Variants in MRPS18C observed in about 807,000 individuals in gnomAD.
MRPS18C encodes small ribosomal subunit protein bS18m.
MRPS18C carries 21 observed loss-of-function variants against 21.0 expected under a neutral mutation model. That is an observed-to-expected ratio of 1.00 (90% CI 0.71 to 1.44). The LOEUF (loss-of-function observed/expected upper bound fraction) is 1.44, where lower values mean the gene tolerates loss of function less well. Among genes scored for constraint, MRPS18C ranks in the 40% most tolerant of loss-of-function variants. MRPS18C has a pLI of 0.00. For missense variants in MRPS18C, 152 were observed against 171.5 expected, an observed-to-expected ratio of 0.89 and a Z score of 0.64; for synonymous variants, 65 against 54.3, an observed-to-expected ratio of 1.20 and a Z score of -0.87.
At position 83,458,434 on chromosome 4, in the gene MRPS18C, G is replaced by T; in HGVS notation, c.234+5G>T. The T allele has an allele frequency of 6.4e-7, 1 of 1,568,882 alleles. No individual in the cohort carries two copies. Among genetic ancestry groups the T allele is most frequent in the South Asian group, 1.1e-5 (1 of 87,340 alleles). ...GTAGATTATAAGAATGTACAGGTGA[G>T]ATCTGGTTTTACTTCACTATATTTT... is the stretch of plus-strand genomic sequence containing the variant. On this transcript the variant is annotated splice_donor_5th_base_variant and intron_variant, in intron 3 of 5. Coordinates refer to ENST00000295491, the MANE Select transcript of MRPS18C (RefSeq NM_016067.4).
chr4:83,456,967 T>A lies in MRPS18C; in HGVS notation c.150+9T>A. ...CCAGCAATGAGGACCTGGTAAGAAT[T>A]TTTTTTTCTATTAGTAAGGCCTTTG... On this transcript the variant is annotated intron_variant, in intron 2 of 5. Transcript: ENST00000295491. 1 of 1,611,076 alleles carries A rather than the reference T, an allele frequency of 6.2e-7. No homozygotes were observed. The highest frequency in any genetic ancestry group is 8.5e-7 in the Non-Finnish European group (1 of 1,179,482).
chr4:83,459,650 T>C, intron 3 of MRPS18C, 90 bp from the exon 4 acceptor site: 1 of 1,132,774 alleles, frequency 8.8e-7, no homozygotes, highest in Non-Finnish European at 1.3e-6. Flanking sequence ...TAAAGCTTTA[T>C]ATAACCTGAA....
rs141532727 is a variant in MRPS18C at position 83,456,101 on chromosome 4, C to A, written c.24C>A (p.Cys8Ter). Residue 8 changes from cysteine (C) to a stop codon, truncating the protein, a stop_gained, in exon 1 of 6, where the codon TGC (cysteine) becomes TGA (stop). Transcript: ENST00000295491. LOFTEE classifies it high-confidence loss of function. The part of the protein sequence containing the change: MAAVVAV[C>*]GGLGRKKLTH... Reference sequence around the variant, plus strand: ...CCATGGCCGCTGTGGTTGCTGTTTGCGGTGGTCTAGGGAGGAAGAAGTTGA... The same window carrying A: ...CCATGGCCGCTGTGGTTGCTGTTTGAGGTGGTCTAGGGAGGAAGAAGTTGA... 23 of 1,612,604 alleles carry A rather than the reference C, an allele frequency of 1.4e-5. No homozygotes were observed. Among genetic ancestry groups the A allele is most frequent in the Non-Finnish European group, 1.9e-5 (23 of 1,180,024 alleles).
At chr4:83,456,875 G>A in intron 1 of MRPS18C, 34 bp from the exon 2 acceptor site, 1 of 1,604,466 alleles carries the variant, frequency 6.2e-7, no homozygotes, top group South Asian at 1.1e-5. Context: ...CTAAGAAAAA[G>A]AAATGGTTAA....
In MRPS18C at chr4:83,461,481, G is replaced by C. The variant is rs1277288464; in HGVS notation, c.*284G>C. On this transcript the variant is annotated 3_prime_UTR_variant, in exon 6 of 6. Transcript: ENST00000295491. The stretch of plus-strand genomic sequence containing the variant: ...CATTCAATAGAATGGAATTAAAACT[G>C]TTCAGAATGATTTTCCAACTAGCAA... 1 of 347,840 alleles carries C rather than the reference G, an allele frequency of 2.9e-6. No individual in the cohort carries two copies. The highest frequency in any genetic ancestry group is 2.0e-5 in the African/African-American group (1 of 49,294). 21.5% of individuals were successfully genotyped at this position (347,840 alleles called of 1,614,324 possible).
intron 4 of MRPS18C, 130 bp from the exon 5 acceptor site, chr4:83,460,843 T>G (rs1578120341): frequency 1.4e-6 from 1 of 721,052 alleles, no homozygotes; most frequent in Non-Finnish European, 2.4e-6. Flanking sequence ...GTGGCGGAGG[T>G]TGCAGTGAGG....
chr4:83,458,596 T>A, intron 3 of MRPS18C, 167 bp downstream of exon 3: 3 of 500,228 alleles, frequency 6.0e-6, no homozygotes, highest in Non-Finnish European at 1.0e-5. Flanking sequence ...CTCTGCTTTA[T>A]TCAAGTAAAA....
chr4:83,458,386 AATGT>A lies in MRPS18C; in HGVS notation c.194_197del (p.Cys65SerfsTer7). The A allele has an allele frequency of 6.2e-7, 1 of 1,606,248 alleles. No homozygotes were observed. Among genetic ancestry groups the A allele is most frequent in the Non-Finnish European group, 8.5e-7 (1 of 1,174,246 alleles). Reference sequence around the variant, plus strand: ...AATCCTTATAAAGAACCTCTTAAGAAATGTATCTTGTGTGGAAAGCATGTAGATT... The same window carrying A: ...AATCCTTATAAAGAACCTCTTAAGAAATCTTGTGTGGAAAGCATGTAGATT... On this transcript the variant is annotated frameshift_variant, in exon 3 of 6. Coordinates refer to ENST00000295491, the MANE Select transcript of MRPS18C (RefSeq NM_016067.4). LOFTEE classifies it high-confidence loss of function.
chr4:83,456,938 G>T lies in MRPS18C; in HGVS notation c.130G>T (p.Val44Leu). ...VLWRRGCSQQ[V>L]SSNEDLPISM... ...TTGGAGAAGAGGTTGTTCACAACAG[G>T]TATCCAGCAATGAGGACCTGGTAAG... Residue 44 changes from valine (V) to leucine (L), a missense_variant, in exon 2 of 6, where the codon GTA becomes TTA. Val to Leu is a conservative substitution (Grantham distance 32). Transcript: ENST00000295491. 2 of 1,612,336 alleles carry T rather than the reference G, an allele frequency of 1.2e-6. No homozygotes were observed. Among genetic ancestry groups the T allele is most frequent in the Non-Finnish European group, 1.7e-6 (2 of 1,179,814 alleles).
In MRPS18C at chr4:83,458,424, G is replaced by A; in HGVS notation, c.229G>A (p.Val77Ile). 3 of 1,580,762 alleles carry A rather than the reference G, an allele frequency of 1.9e-6. No individual in the cohort carries two copies. Among genetic ancestry groups the A allele is most frequent in the Non-Finnish European group, 2.6e-6 (3 of 1,153,554 alleles). Residue 77 changes from valine to isoleucine, a missense_variant, in exon 3 of 6, where the codon GTA becomes ATA. Physicochemically the swap from Val to Ile is conservative, Grantham distance 29. Transcript: ENST00000295491. ...LCGKHVDYKN[V>I]QLLSQFVSPF... ...TGGAAAGCATGTAGATTATAAGAAT[G>A]TACAGGTGAGATCTGGTTTTACTTC...
At chr4:83,459,835 A>G in intron 4 of MRPS18C, 38 bp downstream of exon 4, 1 of 1,476,970 alleles carries the variant, frequency 6.8e-7, no homozygotes, top group Middle Eastern at 1.7e-4. Context: ...AAATGTAGAT[A>G]CGAATTATAT....
intron 2 of MRPS18C, chr4:83,457,321 TGGGTG>T (rs1721886782): frequency 5.3e-6 from 1 of 187,122 alleles, no homozygotes; most frequent in African/African-American, 2.4e-5. Context: ...AAAGGTAGTT[TGGGTG>T]AGCAGAATTT....
intron 4 of MRPS18C, 173 bp from the exon 5 acceptor site, chr4:83,460,800 G>A: frequency 1.7e-6 from 1 of 583,868 alleles, no homozygotes; most frequent in Non-Finnish European, 3.1e-6. Flanking sequence ...CAGTTACTAA[G>A]GAGGCTGAGG....
intron 2 of MRPS18C, 71 bp downstream of exon 2, chr4:83,457,029 A>G: frequency 7.6e-7 from 1 of 1,311,498 alleles, no homozygotes; most frequent in Non-Finnish European, 1.1e-6. Flanking sequence ...TTAAAACGAG[A>G]TCTGGTATTA....
chr4:83,459,629 C>A, intron 3 of MRPS18C, 111 bp from the exon 4 acceptor site: 2 of 900,732 alleles, frequency 2.2e-6, no homozygotes, highest in Non-Finnish European at 1.7e-6. Flanking sequence ...TGAAATGTGT[C>A]TGAAATTTAG....
At chr4:83,457,646 T>G (rs1357172606) in intron 2 of MRPS18C, 1 of 152,306 alleles carries the variant, frequency 6.6e-6, no homozygotes, top group African/African-American at 2.4e-5. Flanking sequence ...TAAATCCCAC[T>G]TTGTCTCTAA....
chr4:83,458,179 C>T lies in MRPS18C; in HGVS notation c.151-167C>T, dbSNP rs921495019. 6.9e-5 allele frequency: 36 copies of T among 522,964 alleles called. No homozygotes were observed. In the East Asian group the frequency reaches 9.3e-4, roughly 13 times the overall value. The allele number at this position is 522,964 out of a possible 1,614,324, so 32.4% of individuals were successfully genotyped here. A position where few individuals can be genotyped will look rare whatever the true frequency, so the allele number is the denominator to read the frequency against. On this transcript the variant is annotated intron_variant, in intron 2 of 5. Transcript: ENST00000295491. ...TACTTTATTCCAGAATCTTCCCATG[C>T]GTTAATCCGTAGGCTAAACTAAAAC...
In MRPS18C at chr4:83,457,083, C is replaced by T. The variant is rs963317711; in HGVS notation, c.150+125C>T. 1.5e-5 allele frequency: 11 copies of T among 734,150 alleles called. No homozygotes were observed. The Admixed American group carries it at 2.9e-4, about 19-fold the overall frequency. 45.5% of individuals were successfully genotyped at this position (734,150 alleles called of 1,614,324 possible). A position where few individuals can be genotyped will look rare whatever the true frequency, so the allele number is the denominator to read the frequency against. ...TTTAGCTACTTGAATAGAGTTCTGC[C>T]GTAGGACAAAACAATTTGATAATTA... On this transcript the variant is annotated intron_variant, in intron 2 of 5. Transcript: ENST00000295491.
chr4:83,456,775 C>T, intron 1 of MRPS18C, 134 bp from the exon 2 acceptor site: 2 of 820,394 alleles, frequency 2.4e-6, no homozygotes, highest in South Asian at 3.8e-5. Context: ...AAGTTTTTAA[C>T]CATTCTGAAT....
Sources: allele counts gnomAD v4.1 joint callset, GRCh38; gene constraint gnomAD v4.1.1; transcripts MANE v1.5; gene names NCBI Gene and HGNC (gene_info 2026-07-23, HGNC 2026-07-21).